HCN3: variants seen among roughly 807,000 people sequenced by gnomAD.
HCN3 encodes the protein hyperpolarization activated cyclic nucleotide gated potassium channel 3.
In HCN3, 36 loss-of-function variants were observed where a neutral mutation model predicts 56.8. The ratio of observed to expected loss-of-function variants is 0.63; its 90% CI spans 0.49 to 0.84. The LOEUF (loss-of-function observed/expected upper bound fraction) is 0.84, where lower values mean the gene tolerates loss of function less well. Among genes scored for constraint, HCN3 ranks in the 40% least tolerant of loss-of-function variants. HCN3 has a pLI of 0.00. For synonymous variants in HCN3, 425 were observed against 439.7 expected (o/e 0.97, Z 0.42); for missense variants, 930 against 1,079.3 (o/e 0.86, Z 1.94).
In HCN3 at chr1:155,282,521, A is replaced by C; in HGVS notation, c.389A>C (p.Asn130Thr). ...AACTCCCCGCCTTGGATCGTCTTCA[A>C]CGTATTGTCTGATACTTTCTTCCTA... ...EENSPPWIVF[N>T]VLSDTFFLLD... Residue 130 changes from asparagine (N) to threonine (T), a missense_variant, in exon 2 of 8, where the codon AAC becomes ACC. Coordinates refer to ENST00000368358, the MANE Select transcript of HCN3 (RefSeq NM_020897.3). The surrounding 1 kb of genome is among the most constrained non-coding windows in gnomAD (Gnocchi z 4.7). 1 of 1,614,252 alleles carries C rather than the reference A, an allele frequency of 6.2e-7. No homozygotes were observed. The highest frequency in any genetic ancestry group is 8.5e-7 in the Non-Finnish European group (1 of 1,180,048).
At chr1:155,283,641 A>G (rs1477249262) in intron 2 of HCN3, among the ~76,000 whole-genome samples, 4 of 146,814 alleles carry the variant, frequency 2.7e-5, no homozygotes, top group East Asian at 2.1e-4. Flanking sequence ...GAGACATTAC[A>G]CTGTGAAATG....
rs1674398080 is a variant in HCN3 at position 155,288,505 on chromosome 1, G to C, written c.*42G>C. 11 of 1,534,250 alleles carry C rather than the reference G, an allele frequency of 7.2e-6. No homozygotes were observed. The highest frequency in any genetic ancestry group is 1.4e-5 in the African/African-American group (1 of 72,404). ...CAGCCTTAGTTCTTGGGGTGCAGTA[G>C]TATGTACCCAAGGGCAGATGCCTCT... On this transcript the variant is annotated 3_prime_UTR_variant, in exon 8 of 8. Transcript: ENST00000368358. The surrounding 1 kb of genome is among the most constrained non-coding windows in gnomAD (Gnocchi z 6.5).
At chr1:155,280,530 G>A (rs1178499629) in intron 1 of HCN3, among the ~76,000 whole-genome samples, 6 of 148,890 alleles carry the variant, frequency 4.0e-5, no homozygotes, top group African/African-American at 7.4e-5. Flanking sequence ...TCCGCCTCCC[G>A]GGTTCACGCC....
At chr1:155,280,726 C>CTG (rs1231110709) in intron 1 of HCN3, among the ~76,000 whole-genome samples, 2 of 148,570 alleles carry the variant, frequency 1.3e-5, no homozygotes, top group African/African-American at 5.0e-5. Flanking sequence ...GCGTGAGCCA[C>CTG]CACGCCCAGC....
chr1:155,285,922 G>T lies in HCN3; in HGVS notation c.1435G>T (p.Gly479Cys). 6.2e-7 allele frequency: 1 copy of T among 1,607,584 alleles called. No homozygotes were observed. The highest frequency in any genetic ancestry group is 8.5e-7 in the Non-Finnish European group (1 of 1,175,024). ...QHGLLSVLAR[G>C]ARDTRLTDGS... ...TGGGCTGCTCAGTGTGCTGGCCCGC[G>T]GCGCCCGGGACACACGCCTCACCGA... The change falls in exon 6 of 8, where the codon GGC becomes TGC. Residue 479 changes from glycine (G) to cysteine (C), a missense_variant. Coordinates refer to ENST00000368358, the MANE Select transcript of HCN3 (RefSeq NM_020897.3). The surrounding 1 kb of genome is among the most constrained non-coding windows in gnomAD (Gnocchi z 4.5).
chr1:155,281,043 C>T (rs1340658949), intron 1 of HCN3, among the ~76,000 whole-genome samples: 4 of 151,152 alleles, frequency 2.6e-5, no homozygotes, highest in East Asian at 1.9e-4. Flanking sequence ...TATGAGCCAC[C>T]GCACCCAGCG....
chr1:155,285,142 C>T lies in HCN3; in HGVS notation c.1090-23C>T. 6.2e-7 allele frequency: 1 copy of T among 1,610,610 alleles called. No individual in the cohort carries two copies. Reference sequence around the variant, plus strand: ...AATCTCTCCCTCTGTCCTCTTGCCCCTGGCAATGGGCTGGCCCTCCAGTAC... The same window carrying T: ...AATCTCTCCCTCTGTCCTCTTGCCCTTGGCAATGGGCTGGCCCTCCAGTAC... On this transcript the variant is annotated intron_variant, in intron 4 of 7. Transcript: ENST00000368358. This position sits in a 1 kb window ranked among gnomAD's most constrained non-coding sequence, Gnocchi z 4.5.
At chr1:155,278,090 G>C (rs1673882022) in intron 1 of HCN3, among the ~76,000 whole-genome samples, 1 of 152,200 alleles carries the variant, frequency 6.6e-6, no homozygotes, top group African/African-American at 2.4e-5. Flanking sequence ...GGCACCAGAA[G>C]GGGCAAGCAG....
At chr1:155,279,837 C>CT (rs1024837742) in intron 1 of HCN3, among the ~76,000 whole-genome samples, 12 of 148,464 alleles carry the variant, frequency 8.1e-5, no homozygotes, top group East Asian at 2.0e-4. Flanking sequence ...GATACTTTAG[C>CT]TTTTTTTTTT....
Position 155,288,058 on chromosome 1 carries a change from C to A in HCN3, c.1920C>A (p.Thr640=), listed in dbSNP as rs141934611. ...PLPLSPDSPA[T]LLARSAWRSA... is the part of the protein sequence containing the mutation. Reference sequence around the variant, plus strand: ...CCCTCTCCCCTGACTCTCCAGCCACCCTCCTTGCTCGCTCTGCTTGGCGCT... The same window carrying A: ...CCCTCTCCCCTGACTCTCCAGCCACACTCCTTGCTCGCTCTGCTTGGCGCT... Residue 640 remains threonine, a synonymous_variant, in exon 8 of 8, where the codon ACC becomes ACA. Coordinates refer to ENST00000368358, the MANE Select transcript of HCN3 (RefSeq NM_020897.3). This position sits in a 1 kb window ranked among gnomAD's most constrained non-coding sequence, Gnocchi z 6.5. 2.1e-5 allele frequency: 34 copies of A among 1,613,316 alleles called. No homozygotes were observed. The African/African-American group carries it at 4.1e-4, about 20-fold the overall frequency.
rs763457688 is a variant in HCN3, at chr1:155,282,764, G to C, written c.632G>C (p.Arg211Pro). Residue 211 changes from arginine to proline, a missense_variant, in exon 2 of 8, where the codon CGC becomes CCC. Coordinates refer to ENST00000368358, the MANE Select transcript of HCN3 (RefSeq NM_020897.3). This position sits in a 1 kb window ranked among gnomAD's most constrained non-coding sequence, Gnocchi z 4.7. ...YKTARALRIV[R>P]FTKILSLLRL... ...ACGGCACGGGCCCTACGCATCGTTC[G>C]CTTCACCAAGATCCTAAGCCTGCTG... is the stretch of plus-strand genomic sequence containing the variant. 3 of 1,614,054 alleles carry C rather than the reference G, an allele frequency of 1.9e-6. No homozygotes were observed. Among genetic ancestry groups the C allele is most frequent in the Non-Finnish European group, 2.5e-6 (3 of 1,180,018 alleles).
In HCN3 at chr1:155,284,584, A is replaced by G. The variant is rs1368049658; in HGVS notation, c.916A>G (p.Met306Val). 2.5e-6 allele frequency: 4 copies of G among 1,613,620 alleles called. No homozygotes were observed. The highest frequency in any genetic ancestry group is 2.5e-6 in the Non-Finnish European group (3 of 1,180,046). ...RQYSHALFKAMSHMLCIGYGQ... is the reference protein window; with the variant it reads ...RQYSHALFKAVSHMLCIGYGQ... ...GTATTCCCATGCCCTGTTCAAGGCC[A>G]TGAGCCACATGCTGTGCATTGGCTA... Residue 306 changes from methionine (M) to valine (V), a missense_variant, in exon 4 of 8, where the codon ATG becomes GTG. Transcript: ENST00000368358. The surrounding 1 kb of genome is among the most constrained non-coding windows in gnomAD (Gnocchi z 4.3).
In HCN3 at chr1:155,283,961, T is replaced by C. The variant is rs1401347708; in HGVS notation, c.709-13T>C. On this transcript the variant is annotated splice_polypyrimidine_tract_variant and intron_variant, in intron 2 of 7. Transcript: ENST00000368358. ...GGTTCCTGTCCACAGCAGCTCCTCC[T>C]CGGACTCCTCAGATCTTTCACATGA... The C allele has an allele frequency of 9.9e-6, 16 of 1,608,362 alleles. No individual in the cohort carries two copies. The highest frequency in any genetic ancestry group is 1.2e-5 in the Non-Finnish European group (14 of 1,175,334).
chr1:155,280,738 ATTTTTTTTTTTT>A (rs34480594), intron 1 of HCN3, among the ~76,000 whole-genome samples: 72 of 34,564 alleles, frequency 2.1e-3, no homozygotes, highest in African/African-American at 6.7e-3. Flanking sequence ...ACGCCCAGCT[ATTTTTTTTTTTT>A]TTTTTTTTTT....
At position 155,288,573 on chromosome 1, in the gene HCN3, G is replaced by A; in HGVS notation, c.*110G>A. 2 of 1,390,554 alleles carry A rather than the reference G, an allele frequency of 1.4e-6. No homozygotes were observed. The highest frequency in any genetic ancestry group is 1.4e-5 in the African/African-American group (1 of 69,258). The allele number at this position is 1,390,554 out of a possible 1,614,324, so 86.1% of individuals were successfully genotyped here. A position where few individuals can be genotyped will look rare whatever the true frequency, so the allele number is the denominator to read the frequency against. ...ACCTGAAACATTGCCCCATGGAAATGTCGACCCTGTGCGGACATTCCGCAT... is the reference window on the plus strand; with the variant it reads ...ACCTGAAACATTGCCCCATGGAAATATCGACCCTGTGCGGACATTCCGCAT... On this transcript the variant is annotated 3_prime_UTR_variant, in exon 8 of 8. Coordinates refer to ENST00000368358, the MANE Select transcript of HCN3 (RefSeq NM_020897.3). The surrounding 1 kb of genome is among the most constrained non-coding windows in gnomAD (Gnocchi z 6.5).
chr1:155,283,563 C>A (rs1403128030), intron 2 of HCN3, among the ~76,000 whole-genome samples: 1 of 123,142 alleles, frequency 8.1e-6, no homozygotes, highest in Non-Finnish European at 1.6e-5. Flanking sequence ...CCCCTCCCCC[C>A]ACCCATTATA....
rs898673047 is a variant in HCN3 at position 155,284,894 on chromosome 1, C to T, written c.1089+137C>T. On this transcript the variant is annotated intron_variant, in intron 4 of 7. Transcript: ENST00000368358. This position sits in a 1 kb window ranked among gnomAD's most constrained non-coding sequence, Gnocchi z 4.3. Reference sequence around the variant, plus strand: ...TGCCCTGTGTCCATTTGTTCCCTGCCCCTGCATGTACCTTTTCCTTGTTTG... The same window carrying T: ...TGCCCTGTGTCCATTTGTTCCCTGCTCCTGCATGTACCTTTTCCTTGTTTG... 6.8e-6 allele frequency: 6 copies of T among 887,962 alleles called. No individual in the cohort carries two copies. In the African/African-American group the frequency reaches 1.0e-4, roughly 15 times the overall value. 55.0% of individuals were successfully genotyped at this position (887,962 alleles called of 1,614,324 possible).
chr1:155,289,203 C>A lies in HCN3; in HGVS notation c.*740C>A, dbSNP rs769883434. 1.3e-5 allele frequency: 2 copies of A among 152,374 alleles called. No individual in the cohort carries two copies. Among genetic ancestry groups the A allele is most frequent in the Non-Finnish European group, 2.9e-5 (2 of 68,052 alleles). 9.4% of individuals were successfully genotyped at this position (152,374 alleles called of 1,614,324 possible). ...AAAAGTTAAGGGGTAGTTGGCACCTCCTTATTAATATGCCAGCCTAGATCC... is the reference window on the plus strand; with the variant it reads ...AAAAGTTAAGGGGTAGTTGGCACCTACTTATTAATATGCCAGCCTAGATCC... On this transcript the variant is annotated 3_prime_UTR_variant, in exon 8 of 8. Coordinates refer to ENST00000368358, the MANE Select transcript of HCN3 (RefSeq NM_020897.3).
chr1:155,284,146 C>T lies in HCN3; in HGVS notation c.870+11C>T. 6.2e-7 allele frequency: 1 copy of T among 1,612,440 alleles called. No homozygotes were observed. Among genetic ancestry groups the T allele is most frequent in the Non-Finnish European group, 8.5e-7 (1 of 1,178,614 alleles). ...ATCAACCACATGGTGGTGAGAAGTC[C>T]CCACAGCTCTGCCTTTCCTGGGCCT... is the stretch of plus-strand genomic sequence containing the variant. On this transcript the variant is annotated intron_variant, in intron 3 of 7. Coordinates refer to ENST00000368358, the MANE Select transcript of HCN3 (RefSeq NM_020897.3). The surrounding 1 kb of genome is among the most constrained non-coding windows in gnomAD (Gnocchi z 4.3).
Sources: gnomAD v4.1 joint callset for allele counts (sites outside exome capture counted in the v4.1 genomes callset) on GRCh38, gnomAD v4.1.1 for gene constraint, Gnocchi (gnomAD v3.1) non-coding constraint, MANE v1.5 for transcripts, NCBI Gene and HGNC (gene_info 2026-07-23, HGNC 2026-07-21) for gene names.